Variants in DOP1A observed in about 807,000 individuals in gnomAD.
DOP1A encodes the protein DOP1 leucine zipper like protein A.
A neutral mutation model predicts 267.6 loss-of-function variants in DOP1A; 90 were observed. That is an observed-to-expected ratio of 0.34 (90% CI 0.28 to 0.40). The LOEUF (loss-of-function observed/expected upper bound fraction) is 0.40. Ranked by LOEUF, DOP1A falls within the 10% of genes least tolerant of loss-of-function variation. DOP1A has a pLI of 1.00. For missense variants in DOP1A, 2,437 were observed against 2,900.4 expected (o/e 0.84, Z 3.67); for synonymous variants, 932 against 999.1 (o/e 0.93, Z 1.27).
intron 22 of DOP1A, 50 bp downstream of exon 22, chr6:83,140,161 T>G (rs1779385073): frequency 6.2e-7 from 1 of 1,604,776 alleles, no homozygotes; most frequent in African/African-American, 1.3e-5. Context: ...TGAGGTCTAA[T>G]AAATTTCCAT....
At chr6:83,086,651 C>A (rs1468332980) in intron 1 of DOP1A, among the ~76,000 whole-genome samples, 1 of 152,110 alleles carries the variant, frequency 6.6e-6, no homozygotes, top group East Asian at 1.9e-4. Flanking sequence ...GTATTGAATA[C>A]TGCTGAGTTG....
chr6:83,075,506 G>A (rs964285663), intron 1 of DOP1A, among the ~76,000 whole-genome samples: 1 of 152,202 alleles, frequency 6.6e-6, no homozygotes, highest in Non-Finnish European at 1.5e-5. Context: ...AGACCTGAAG[G>A]ATAAGTAGGT....
chr6:83,109,620 C>T (rs1016047746), intron 5 of DOP1A, among the ~76,000 whole-genome samples: 1 of 152,086 alleles, frequency 6.6e-6, no homozygotes, highest in Non-Finnish European at 1.5e-5. Context: ...TAGCTGTTGA[C>T]GTGGTACTCT....
At chr6:83,081,917 A>G (rs1010335467) in intron 1 of DOP1A, among the ~76,000 whole-genome samples, 1 of 152,208 alleles carries the variant, frequency 6.6e-6, no homozygotes, top group Non-Finnish European at 1.5e-5. Context: ...GCCAACAGGT[A>G]TATGAAAAAA....
Position 83,157,127 on chromosome 6 carries a change from A to G in DOP1A, c.6605-55A>G, listed in dbSNP as rs568748332. The G allele has an allele frequency of 4.5e-5, 70 of 1,566,052 alleles. No homozygotes were observed. The African/African-American group carries it at 6.7e-4, about 15-fold the overall frequency. On this transcript the variant is annotated intron_variant, in intron 34 of 38. Transcript: ENST00000349129. ...AGAGTACTGGACCGACAATATAGAA[A>G]GTTTTATGTGATAAAGATTATTTAG...
intron 6 of DOP1A, among the ~76,000 whole-genome samples, chr6:83,112,779 AT>A (rs1427412185): frequency 6.6e-6 from 1 of 152,158 alleles, no homozygotes; most frequent in Non-Finnish European, 1.5e-5. Flanking sequence ...TGCTATTTAA[AT>A]TGTAACTGCA....
Position 83,137,079 on chromosome 6 carries a change from T to C in DOP1A, c.3131-94T>C, listed in dbSNP as rs1228972200. On this transcript the variant is annotated intron_variant, in intron 20 of 38. Coordinates refer to ENST00000349129, the MANE Select transcript of DOP1A (RefSeq NM_015018.4). ...AAATATAAGTAGATGATGACACTAA[T>C]GATTAAAAATTTTGATCAGTCTACA... is the stretch of plus-strand genomic sequence containing the variant. The C allele has an allele frequency of 6.0e-6, 7 of 1,163,770 alleles. No individual in the cohort carries two copies. In the East Asian group the frequency reaches 1.9e-4, roughly 31 times the overall value. 72.1% of individuals were successfully genotyped at this position (1,163,770 alleles called of 1,614,324 possible). A position where few individuals can be genotyped will look rare whatever the true frequency, so the allele number is the denominator to read the frequency against.
chr6:83,159,443 T>G (rs1583179329), intron 36 of DOP1A, among the ~76,000 whole-genome samples: 3 of 140,624 alleles, frequency 2.1e-5, no homozygotes, highest in African/African-American at 5.3e-5. Context: ...CTGGCTAGTG[T>G]TTTTTTTTTT....
intron 1 of DOP1A, among the ~76,000 whole-genome samples, chr6:83,086,429 G>C (rs755227735): frequency 6.6e-6 from 1 of 152,164 alleles, no homozygotes; most frequent in Admixed American, 6.5e-5. Context: ...AGAAAGAAGA[G>C]AGGTTGGTCT....
At chr6:83,083,572 C>G (rs1429891143) in intron 1 of DOP1A, among the ~76,000 whole-genome samples, 2 of 152,044 alleles carry the variant, frequency 1.3e-5, no homozygotes, top group African/African-American at 4.8e-5. Context: ...GTATATCTAC[C>G]TCATGGATGT....
At chr6:83,157,560 A>C (rs1783071656) in intron 35 of DOP1A, among the ~76,000 whole-genome samples, 1 of 152,198 alleles carries the variant, frequency 6.6e-6, no homozygotes, top group Non-Finnish European at 1.5e-5. Context: ...ACTTTCTTGG[A>C]TCTGGTTTAG....
At chr6:83,073,401 T>G (rs1457626710) in intron 1 of DOP1A, among the ~76,000 whole-genome samples, 1 of 152,098 alleles carries the variant, frequency 6.6e-6, no homozygotes, top group Admixed American at 6.6e-5. Context: ...AGTTCACTTT[T>G]GAGCCTGAAT....
chr6:83,097,103 A>G lies in DOP1A; in HGVS notation c.126A>G (p.Gly42=), dbSNP rs1310615143. The G allele has an allele frequency of 6.2e-7, 1 of 1,613,896 alleles. No homozygotes were observed. Among genetic ancestry groups the G allele is most frequent in the African/African-American group, 1.3e-5 (1 of 74,942 alleles). ...GGGCAGATTTGATATCAGCACTTGG[A>G]AAACTTAATAAGGTATGTCTGTATT... ...SEWADLISAL[G]KLNKVLQNNA... Residue 42 remains glycine, a synonymous_variant, in exon 3 of 39, where the codon GGA becomes GGG. Transcript: ENST00000349129.
At chr6:83,120,895 T>C (rs1370412640) in intron 10 of DOP1A, 104 bp downstream of exon 10, 2 of 827,428 alleles carry the variant, frequency 2.4e-6, no homozygotes, top group Non-Finnish European at 3.5e-6. Context: ...GAGGTGGCCT[T>C]TAAATATAAG....
chr6:83,109,504 A>G (rs1774188691), intron 5 of DOP1A, among the ~76,000 whole-genome samples: 1 of 152,208 alleles, frequency 6.6e-6, no homozygotes, highest in African/African-American at 2.4e-5. Flanking sequence ...ATAATATAAC[A>G]GGACATTTAG....
intron 3 of DOP1A, 56 bp downstream of exon 3, chr6:83,097,171 T>C (rs1582919771): frequency 6.4e-7 from 1 of 1,552,398 alleles, no homozygotes; most frequent in South Asian, 1.2e-5. Flanking sequence ...TCTGTGTTTG[T>C]ACTTGTTAGA....
At chr6:83,161,927 A>G (rs1463975973) in intron 37 of DOP1A, among the ~76,000 whole-genome samples, 4 of 152,220 alleles carry the variant, frequency 2.6e-5, no homozygotes, top group African/African-American at 9.6e-5. Context: ...TGGACAATCT[A>G]GGACATTGGC....
At chr6:83,076,183 A>G (rs749058375) in intron 1 of DOP1A, among the ~76,000 whole-genome samples, 1 of 152,204 alleles carries the variant, frequency 6.6e-6, no homozygotes, top group Non-Finnish European at 1.5e-5. Context: ...AAGGACTTAA[A>G]TAGACATTTT....
intron 1 of DOP1A, among the ~76,000 whole-genome samples, chr6:83,095,734 C>T (rs1277495526): frequency 1.3e-5 from 2 of 152,136 alleles, no homozygotes; most frequent in Non-Finnish European, 2.9e-5. Flanking sequence ...TTCCTGGCTT[C>T]GGGTAACTCA....
Sources: gnomAD v4.1 joint callset for allele counts (sites outside exome capture counted in the v4.1 genomes callset) on GRCh38, gnomAD v4.1.1 for gene constraint, MANE v1.5 for transcripts, NCBI Gene and HGNC (gene_info 2026-07-23, HGNC 2026-07-21) for gene names.